AGBL1: variants seen among roughly 807,000 people sequenced by gnomAD.
AGBL1 encodes the protein cytosolic carboxypeptidase 4.
In AGBL1, 130 loss-of-function variants were observed where a neutral mutation model predicts 118.9. That is an observed-to-expected ratio of 1.09 (90% CI 0.95 to 1.26). The LOEUF (loss-of-function observed/expected upper bound fraction) is 1.26, where lower values mean the gene tolerates loss of function less well. Ranked by LOEUF, AGBL1 falls within the 50% of genes most tolerant of loss-of-function variation. The pLI is 0.00. For missense variants in AGBL1, 1,584 were observed against 1,298.1 expected, an observed-to-expected ratio of 1.22 and a Z score of -3.38; for synonymous variants, 555 against 478.9, an observed-to-expected ratio of 1.16 and a Z score of -2.08.
chr15:86,994,097 A>G (rs2081357144), intron 24 of AGBL1, among the ~76,000 whole-genome samples: 1 of 152,150 alleles, frequency 6.6e-6, no homozygotes, highest in African/African-American at 2.4e-5. Context: ...CTTCAGTCCT[A>G]TGGAGACCAC....
At chr15:86,694,752 C>T (rs1273168299) in intron 22 of AGBL1, among the ~76,000 whole-genome samples, 1 of 151,884 alleles carries the variant, frequency 6.6e-6, no homozygotes, top group Non-Finnish European at 1.5e-5. Context: ...GCTTTTATTA[C>T]ATTAAGGTAT....
intron 22 of AGBL1, among the ~76,000 whole-genome samples, chr15:86,752,661 A>G (rs987196641): frequency 6.6e-6 from 1 of 151,956 alleles, no homozygotes; most frequent in African/African-American, 2.4e-5. Context: ...TTTTACTGTT[A>G]TCTATATTTT....
intron 21 of AGBL1, among the ~76,000 whole-genome samples, chr15:86,555,597 C>A (rs1290778824): frequency 2.6e-5 from 4 of 152,270 alleles, no homozygotes; most frequent in Admixed American, 1.3e-4. Flanking sequence ...TTAATAAATT[C>A]TTAGACTGAA....
intron 1 of AGBL1, chr15:86,088,151 G>C (rs574466089): frequency 6.6e-6 from 1 of 152,406 alleles, no homozygotes; most frequent in African/African-American, 2.4e-5. Flanking sequence ...AACAGTCAGT[G>C]GGTTAGATTT....
chr15:86,944,063 A>G (rs999929141), intron 23 of AGBL1, among the ~76,000 whole-genome samples: 1 of 152,192 alleles, frequency 6.6e-6, no homozygotes, highest in South Asian at 2.1e-4. Flanking sequence ...ACCTGAAGGA[A>G]GAGTAAGAGT....
At chr15:86,769,984 C>T (rs1242132972) in intron 22 of AGBL1, among the ~76,000 whole-genome samples, 1 of 151,992 alleles carries the variant, frequency 6.6e-6, no homozygotes, top group African/African-American at 2.4e-5. Context: ...GGCTCCTCAA[C>T]CCAATTTAAA....
chr15:86,955,352 A>G (rs1387350418), intron 23 of AGBL1, among the ~76,000 whole-genome samples: 3 of 152,110 alleles, frequency 2.0e-5, no homozygotes, highest in African/African-American at 7.2e-5. Context: ...GGTTGCTAAC[A>G]AAATAGTACT....
At chr15:87,007,103 A>G (rs1006970115) in intron 24 of AGBL1, among the ~76,000 whole-genome samples, 2 of 152,238 alleles carry the variant, frequency 1.3e-5, no homozygotes, top group Non-Finnish European at 2.9e-5. Context: ...GAAAGGGTTC[A>G]AAAAAGAATC....
At chr15:86,740,154 G>T (rs937413966) in intron 22 of AGBL1, among the ~76,000 whole-genome samples, 4 of 152,290 alleles carry the variant, frequency 2.6e-5, no homozygotes, top group East Asian at 1.9e-4. Flanking sequence ...ATTCACTACA[G>T]CTCAGTCTTC....
chr15:86,587,883 A>C (rs1236478863), intron 21 of AGBL1, among the ~76,000 whole-genome samples: 1 of 152,160 alleles, frequency 6.6e-6, no homozygotes, highest in East Asian at 1.9e-4. Context: ...GTATCATATC[A>C]CAGTAGGAAG....
At chr15:86,377,480 A>G (rs1596035905) in intron 17 of AGBL1, among the ~76,000 whole-genome samples, 2 of 152,214 alleles carry the variant, frequency 1.3e-5, no homozygotes, top group Non-Finnish European at 2.9e-5. Flanking sequence ...AAATAACAGT[A>G]TCAGACTCCT....
intron 17 of AGBL1, among the ~76,000 whole-genome samples, chr15:86,372,626 A>C (rs1472478675): frequency 1.3e-5 from 2 of 152,274 alleles, no homozygotes; most frequent in Non-Finnish European, 2.9e-5. Context: ...TTTGGAATAC[A>C]GACTTTTGGT....
At chr15:86,773,547 C>G (rs963950739) in intron 22 of AGBL1, among the ~76,000 whole-genome samples, 1 of 139,184 alleles carries the variant, frequency 7.2e-6, no homozygotes, top group African/African-American at 2.7e-5. Context: ...GTTCCCCTTA[C>G]TGTGTCCATG....
Position 86,700,572 on chromosome 15 carries a change from C to CT in AGBL1, c.3158+26138dup, listed in dbSNP as rs201916023. On this transcript the variant is annotated intron_variant, in intron 22 of 22. Coordinates refer to ENST00000614907, the MANE Select transcript of AGBL1 (RefSeq NM_001386094.1). ...AGTAGTTTAGGCAACAATATAGTAC[C>CT]TTCTTTAGAAAAGATATAGAGCATT... is the stretch of plus-strand genomic sequence containing the variant. 1.7e-3 allele frequency among the ~76,000 whole-genome samples: 261 copies of CT among 151,258 alleles called. 4 individuals carry two copies. In the East Asian group the frequency reaches 0.022, roughly 13 times the overall value.
At chr15:86,344,396 C>T (rs939192764) in intron 17 of AGBL1, among the ~76,000 whole-genome samples, 1 of 152,154 alleles carries the variant, frequency 6.6e-6, no homozygotes, top group Non-Finnish European at 1.5e-5. Context: ...CTGAGCAGTG[C>T]TATGCATTGC....
rs567641209 is a variant in AGBL1, at chr15:86,671,438, A to C, written c.2995-2835A>C. 2.0e-3 allele frequency among the ~76,000 whole-genome samples: 299 copies of C among 152,238 alleles called. 2 individuals carry two copies. Among genetic ancestry groups the C allele is most frequent in the African/African-American group, 6.9e-3 (288 of 41,550 alleles). ...ACTTTGTGTTACTGTCTGTGGAAAAAATTTCTAATTAAGACATCTGAGCTG... is the reference window on the plus strand; with the variant it reads ...ACTTTGTGTTACTGTCTGTGGAAAACATTTCTAATTAAGACATCTGAGCTG... On this transcript the variant is annotated intron_variant, in intron 21 of 22. Coordinates refer to ENST00000614907, the MANE Select transcript of AGBL1 (RefSeq NM_001386094.1).
intron 22 of AGBL1, among the ~76,000 whole-genome samples, chr15:86,692,473 T>C (rs1276048507): frequency 6.6e-6 from 1 of 152,100 alleles, no homozygotes; most frequent in Non-Finnish European, 1.5e-5. Context: ...GTAGAAGGAC[T>C]ACCCACCAGG....
At chr15:86,204,056 G>A (rs889057237) in intron 5 of AGBL1, among the ~76,000 whole-genome samples, 1 of 152,138 alleles carries the variant, frequency 6.6e-6, no homozygotes, top group African/African-American at 2.4e-5. Flanking sequence ...GATGGATGAG[G>A]AGTCTGGGAC....
At chr15:86,244,547 T>C (rs181335793) in intron 6 of AGBL1, among the ~76,000 whole-genome samples, 39 of 151,886 alleles carry the variant, frequency 2.6e-4, no homozygotes, top group Non-Finnish European at 4.4e-4. Context: ...GTTTAGCTAT[T>C]TTAAATGTTA....
Sources: allele counts gnomAD v4.1 joint callset (sites outside exome capture counted in the v4.1 genomes callset), GRCh38; gene constraint gnomAD v4.1.1; transcripts MANE v1.5; gene names NCBI Gene and HGNC (gene_info 2026-07-23, HGNC 2026-07-21).